The following CABCOCO1 variants were observed in gnomAD, a reference collection of about 807,000 sequenced individuals.
CABCOCO1 encodes the protein ciliary-associated calcium-binding coiled-coil protein 1.
Under a neutral mutation model 35.7 loss-of-function variants are expected in CABCOCO1, and 28 were observed. The ratio of observed to expected loss-of-function variants is 0.78; its 90% confidence interval spans 0.58 to 1.07. The LOEUF is 1.07. CABCOCO1 is among the 50% of genes least tolerant of loss of function. The pLI is 0.00. For missense variants in CABCOCO1, 326 were observed against 309.2 expected (o/e 1.05, Z -0.41); for synonymous variants, 95 against 100.1 (o/e 0.95, Z 0.30).
chr10:61,742,116 C>G (rs1666799112), intron 5 of CABCOCO1, among the ~76,000 whole-genome samples: 1 of 151,928 alleles, frequency 6.6e-6, no homozygotes, highest in Non-Finnish European at 1.5e-5. Flanking sequence ...ACAGGACTTG[C>G]TGAAAAATTG....
chr10:61,707,286 T>G (rs1840616700), intron 5 of CABCOCO1, among the ~76,000 whole-genome samples: 1 of 152,118 alleles, frequency 6.6e-6, no homozygotes, highest in South Asian at 2.1e-4. Flanking sequence ...GATACGGGAC[T>G]TGAGAATGTG....
At chr10:61,670,575 T>A (rs994719886) in intron 1 of CABCOCO1, among the ~76,000 whole-genome samples, 1 of 152,176 alleles carries the variant, frequency 6.6e-6, no homozygotes, top group African/African-American at 2.4e-5. Flanking sequence ...TTTCCACTTT[T>A]GAAAAAGAAA....
At chr10:61,711,515 T>C (rs1009346283) in intron 5 of CABCOCO1, among the ~76,000 whole-genome samples, 1 of 151,898 alleles carries the variant, frequency 6.6e-6, no homozygotes, top group African/African-American at 2.4e-5. Context: ...GCAAGGAAAA[T>C]AGACACATTT....
intron 4 of CABCOCO1, among the ~76,000 whole-genome samples, chr10:61,689,877 T>G (rs1048542891): frequency 2.0e-5 from 3 of 152,156 alleles, no homozygotes; most frequent in Non-Finnish European, 4.4e-5. Flanking sequence ...CTAGAATACT[T>G]GTTTTAAGGA....
chr10:61,726,821 G>A (rs1482626608), intron 5 of CABCOCO1, among the ~76,000 whole-genome samples: 2 of 146,356 alleles, frequency 1.4e-5, no homozygotes, highest in African/African-American at 5.2e-5. Flanking sequence ...ACTTTGGGAG[G>A]CGAGCGGGGG....
At chr10:61,740,867 C>T (rs569964233) in intron 5 of CABCOCO1, among the ~76,000 whole-genome samples, 61 of 152,158 alleles carry the variant, frequency 4.0e-4, no homozygotes, top group Non-Finnish European at 6.5e-4. Context: ...AATAAGAGGG[C>T]CGGGTGCAGT....
chr10:61,761,295 G>C (rs1319122891), intron 7 of CABCOCO1, among the ~76,000 whole-genome samples: 1 of 151,960 alleles, frequency 6.6e-6, no homozygotes, highest in African/African-American at 2.4e-5. Context: ...TGTAAATGTT[G>C]CTTATGCAAA....
At chr10:61,686,877 TAAA>T (rs2131987769) in intron 4 of CABCOCO1, among the ~76,000 whole-genome samples, 2 of 152,338 alleles carry the variant, frequency 1.3e-5, no homozygotes, top group South Asian at 4.1e-4. Context: ...TGCATCTCTC[TAAA>T]GGGACATTTT....
At chr10:61,695,674 A>T (rs1370637297) in intron 5 of CABCOCO1, among the ~76,000 whole-genome samples, 1 of 152,102 alleles carries the variant, frequency 6.6e-6, no homozygotes, top group Non-Finnish European at 1.5e-5. Context: ...TAAGACTGAC[A>T]GTCAACTTCT....
intron 5 of CABCOCO1, among the ~76,000 whole-genome samples, chr10:61,749,159 C>T (rs536115504): frequency 1.3e-5 from 2 of 152,182 alleles, no homozygotes; most frequent in South Asian, 4.2e-4. Flanking sequence ...TAAATGGCCT[C>T]CAGAAAGTTT....
intron 5 of CABCOCO1, among the ~76,000 whole-genome samples, chr10:61,733,171 A>T (rs1270826909): frequency 6.6e-6 from 1 of 151,956 alleles, no homozygotes; most frequent in African/African-American, 2.4e-5. Context: ...TATCTGTTGT[A>T]ATGTCTTTTG....
At chr10:61,736,576 A>T (rs9665645) in intron 5 of CABCOCO1, among the ~76,000 whole-genome samples, 4 of 152,028 alleles carry the variant, frequency 2.6e-5, no homozygotes, top group African/African-American at 9.7e-5. Flanking sequence ...GGGTAACATG[A>T]TTCCTCCAGA....
At chr10:61,757,210 G>T (rs1349525529) in intron 5 of CABCOCO1, among the ~76,000 whole-genome samples, 1 of 151,636 alleles carries the variant, frequency 6.6e-6, no homozygotes, top group Non-Finnish European at 1.5e-5. Flanking sequence ...CACAATTATT[G>T]ATTCTAATTT....
intron 5 of CABCOCO1, among the ~76,000 whole-genome samples, chr10:61,711,838 C>T (rs978239744): frequency 3.3e-5 from 5 of 151,912 alleles, no homozygotes; most frequent in Non-Finnish European, 5.9e-5. Flanking sequence ...ATACACAGTT[C>T]TCCATAACCC....
At chr10:61,664,012 T>A (rs1227490484) in intron 1 of CABCOCO1, among the ~76,000 whole-genome samples, 1 of 152,116 alleles carries the variant, frequency 6.6e-6, no homozygotes, top group Non-Finnish European at 1.5e-5. Context: ...TAGCTGCAAT[T>A]TTATAAATGA....
chr10:61,714,427 G>A (rs993754545), intron 5 of CABCOCO1, among the ~76,000 whole-genome samples: 30 of 151,888 alleles, frequency 2.0e-4, no homozygotes, highest in Non-Finnish European at 2.9e-4. Flanking sequence ...CTTGCTAGTG[G>A]TCTATCAATT....
chr10:61,752,918 A>G (rs550114713), intron 5 of CABCOCO1, among the ~76,000 whole-genome samples: 2 of 152,198 alleles, frequency 1.3e-5, no homozygotes, highest in Non-Finnish European at 2.9e-5. Context: ...TGATAGCTTT[A>G]TCTAAATAGT....
chr10:61,704,426 A>G (rs1045387384), intron 5 of CABCOCO1, among the ~76,000 whole-genome samples: 1 of 152,128 alleles, frequency 6.6e-6, no homozygotes, highest in Non-Finnish European at 1.5e-5. Flanking sequence ...TGCACTGGTG[A>G]TGCTGGTTGC....
intron 1 of CABCOCO1, among the ~76,000 whole-genome samples, chr10:61,670,649 G>T (rs559613716): frequency 3.9e-5 from 6 of 152,214 alleles, no homozygotes; most frequent in African/African-American, 1.4e-4. Context: ...CTTATCTTTT[G>T]GAACTCAATC....
Sources: allele counts gnomAD v4.1 joint callset (sites outside exome capture counted in the v4.1 genomes callset), GRCh38; gene constraint gnomAD v4.1.1; transcripts MANE v1.5; gene names NCBI Gene and HGNC (gene_info 2026-07-23, HGNC 2026-07-21).